The following NAA11 variants were observed in gnomAD, a reference collection of about 807,000 sequenced individuals.
The protein encoded by NAA11 is N-alpha-acetyltransferase 11.
Under a neutral mutation model 16.1 loss-of-function variants are expected in NAA11, and 15 were observed. The observed-to-expected ratio is 0.93, with a 90% CI of 0.62 to 1.44. The LOEUF (loss-of-function observed/expected upper bound fraction) is 1.44, where lower values mean the gene tolerates loss of function less well. NAA11 is among the 40% of genes most tolerant of loss of function. The probability of loss-of-function intolerance (pLI) is 0.00; values close to 1 mark genes in which losing one functional copy is unlikely to be tolerated. For synonymous variants in NAA11, 122 were observed against 112.4 expected, an observed-to-expected ratio of 1.09 and a Z score of -0.54; for missense variants, 298 against 291.3, an observed-to-expected ratio of 1.02 and a Z score of -0.17.
chr4:79,325,310 C>T lies in NAA11; in HGVS notation c.568G>A (p.Glu190Lys), dbSNP rs1724230297. Residue 190 changes from glutamate (E) to lysine (K), a missense_variant, in exon 1 of 2, where the codon GAG (glutamate) becomes AAG (lysine). Physicochemically the swap from Glu to Lys is moderately conservative, Grantham distance 56 (BLOSUM62 1). Transcript: ENST00000286794. The stretch of plus-strand genomic sequence containing the variant: ...GCCGGGTTCTTTTGCTGACAGGCCT[C>T]TTCAGAATCAGAAAGTGTGCTGCCC... Reference protein sequence around the residue: ...TQGSTLSDSEEACQQKNPATE... With the variant: ...TQGSTLSDSEKACQQKNPATE... 1 of 1,613,820 alleles carries T rather than the reference C, an allele frequency of 6.2e-7. No individual in the cohort carries two copies. The highest frequency in any genetic ancestry group is 1.3e-5 in the African/African-American group (1 of 74,910).
the NAA11 span, among the ~76,000 whole-genome samples, chr4:79,208,932 A>AAAAAT: frequency 6.8e-6 from 1 of 146,310 alleles, no homozygotes; most frequent in Non-Finnish European, 1.5e-5. Context: ...TGCCAAAAAA[A>AAAAAT]AAAAAAAAAA....
chr4:79,155,930 T>C, the NAA11 span, among the ~76,000 whole-genome samples: 3 of 152,178 alleles, frequency 2.0e-5, no homozygotes. Flanking sequence ...TTAGGAAACA[T>C]ATTTCATTCT....
At chr4:79,276,066 C>T (rs749684310) in intron 2 of NAA11, among the ~76,000 whole-genome samples, 7 of 151,924 alleles carry the variant, frequency 4.6e-5, no homozygotes, top group Non-Finnish European at 1.0e-4. Flanking sequence ...CTCAATTGCT[C>T]AACATGAAGG....
At chr4:79,192,455 A>T in the NAA11 span, among the ~76,000 whole-genome samples, 1 of 132,854 alleles carries the variant, frequency 7.5e-6, no homozygotes, top group Admixed American at 8.7e-5. Flanking sequence ...TTCAATTCCC[A>T]CCTATGAGTG....
the NAA11 span, among the ~76,000 whole-genome samples, chr4:79,206,171 T>A: frequency 6.6e-6 from 1 of 152,118 alleles, no homozygotes; most frequent in Non-Finnish European, 1.5e-5. Flanking sequence ...TTGATAGGAA[T>A]CGCATTGAAT....
At chr4:79,225,222 T>G (rs1721283700), downstream of NAA11, among the ~76,000 whole-genome samples, 1 of 152,018 alleles carries the variant, frequency 6.6e-6, no homozygotes, top group Admixed American at 6.6e-5. Context: ...TTTTGCAATT[T>G]TCCTGTAAAT....
At chr4:79,209,087 A>G in the NAA11 span, among the ~76,000 whole-genome samples, 2 of 152,106 alleles carry the variant, frequency 1.3e-5, no homozygotes, top group African/African-American at 2.4e-5. Flanking sequence ...AAATTTGTAA[A>G]TGGACAGGCT....
chr4:79,306,013 T>G (rs901681248), intron 1 of NAA11, among the ~76,000 whole-genome samples: 6 of 152,190 alleles, frequency 3.9e-5, no homozygotes, highest in African/African-American at 7.2e-5. Flanking sequence ...TAAGCCCTGT[T>G]CCAACTAACT....
the NAA11 span, among the ~76,000 whole-genome samples, chr4:79,192,629 G>A: frequency 9.3e-3 from 1,422 of 152,094 alleles, 10 homozygotes; most frequent in Non-Finnish European, 0.015. Context: ...GTCTATCATT[G>A]TTGGGCATTT....
the NAA11 span, among the ~76,000 whole-genome samples, chr4:79,189,763 T>C: frequency 6.6e-6 from 1 of 152,206 alleles, no homozygotes; most frequent in Non-Finnish European, 1.5e-5. Flanking sequence ...GGTTTGTTTC[T>C]AAGGATCCCA....
the NAA11 span, among the ~76,000 whole-genome samples, chr4:79,167,280 G>T: frequency 5.2e-3 from 740 of 140,988 alleles, 9 homozygotes; most frequent in African/African-American, 0.019. Flanking sequence ...TAGAGAGAGA[G>T]AGAGAGAGAG....
the NAA11 span, chr4:79,197,726 G>C: frequency 6.6e-6 from 1 of 151,950 alleles, no homozygotes. Flanking sequence ...TTCTTGACTG[G>C]TACTGTCATG....
chr4:79,233,827 A>G (rs1721515728), intron 2 of NAA11, among the ~76,000 whole-genome samples: 1 of 152,048 alleles, frequency 6.6e-6, no homozygotes, highest in Non-Finnish European at 1.5e-5. Context: ...AATTGAAACA[A>G]TTAGAAACAG....
At chr4:79,264,181 G>T (rs1722296175) in intron 2 of NAA11, among the ~76,000 whole-genome samples, 1 of 152,182 alleles carries the variant, frequency 6.6e-6, no homozygotes, top group Non-Finnish European at 1.5e-5. Flanking sequence ...ACTGTTACTA[G>T]TCTGTGATGA....
downstream of NAA11, among the ~76,000 whole-genome samples, chr4:79,312,896 T>A (rs981542310): frequency 1.3e-5 from 2 of 152,160 alleles, no homozygotes; most frequent in Non-Finnish European, 2.9e-5. Flanking sequence ...TAAGTACAGT[T>A]CGCTTTACCT....
At chr4:79,194,825 A>G in the NAA11 span, among the ~76,000 whole-genome samples, 2 of 152,058 alleles carry the variant, frequency 1.3e-5, no homozygotes, top group African/African-American at 4.8e-5. Context: ...TGAAGTGTGT[A>G]TTACTTTTAT....
downstream of NAA11, among the ~76,000 whole-genome samples, chr4:79,315,330 T>C (rs1723896032): frequency 6.6e-6 from 1 of 152,212 alleles, no homozygotes; most frequent in African/African-American, 2.4e-5. Context: ...TAATTCCCAG[T>C]ACTATTCCCC....
intron 2 of NAA11, among the ~76,000 whole-genome samples, chr4:79,230,257 C>T (rs371388602): frequency 6.6e-6 from 1 of 151,182 alleles, no homozygotes. Flanking sequence ...GGGAATATCA[C>T]ACTCTGGGGA....
Position 79,275,521 on chromosome 4 carries a change from C to T in NAA11, c.*122+18484G>A, listed in dbSNP as rs527592619. On this transcript the variant is annotated intron_variant and NMD_transcript_variant, in intron 2 of 2. Transcript: ENST00000511542. ...AAGGCAACATTTTCACTCACTCATTCAAAAAATGTATAATGAGTTCTTCCT... is the reference window on the plus strand; with the variant it reads ...AAGGCAACATTTTCACTCACTCATTTAAAAAATGTATAATGAGTTCTTCCT... Among the ~76,000 whole-genome samples the T allele has an allele frequency of 7.2e-5, 11 of 152,098 alleles. No homozygotes were observed. The South Asian group carries it at 2.1e-3, about 29-fold the overall frequency.
Sources: allele counts gnomAD v4.1 joint callset (sites outside exome capture counted in the v4.1 genomes callset), GRCh38; gene constraint gnomAD v4.1.1; transcripts MANE v1.5; gene names NCBI Gene and HGNC (gene_info 2026-07-23, HGNC 2026-07-21).